The following HECW2 variants were observed in gnomAD, a reference collection of about 807,000 sequenced individuals.
The protein encoded by HECW2 is E3 ubiquitin-protein ligase HECW2.
HECW2 carries 61 observed loss-of-function variants against 175.2 expected under a neutral mutation model. That is an observed-to-expected ratio of 0.35 (90% CI 0.28 to 0.43). HECW2 has a LOEUF of 0.43. HECW2 is among the 20% of genes least tolerant of loss of function. The pLI is 1.00. For synonymous variants in HECW2, 671 were observed against 731.0 expected, an observed-to-expected ratio of 0.92 and a Z score of 1.32; for missense variants, 1,524 against 2,000.5, an observed-to-expected ratio of 0.76 and a Z score of 4.54.
Position 196,319,248 on chromosome 2 carries a change from C to T in HECW2, c.1642G>A (p.Glu548Lys). Residue 548 changes from glutamate (E) to lysine (K), a missense_variant, in exon 9 of 29, where the codon GAG becomes AAG. Glu to Lys is a moderately conservative substitution (Grantham distance 56). Around this residue, in one of 11 missense-constraint regions of HECW2, gnomAD observed 604 missense variants for 588.3 expected, o/e 1.03. Coordinates refer to ENST00000644978, the MANE Select transcript of HECW2 (RefSeq NM_001348768.2). ...GGCTCTGGGCCGCCTTCACCTTCCT[C>T]TGGGGCTGGGCCTGCAGGTAAGGAG... The part of the protein sequence containing the change: ...ESSLPAGPAP[E>K]EGEGGPEPQP... 1 of 1,600,720 alleles carries T rather than the reference C, an allele frequency of 6.2e-7. No homozygotes were observed. The highest frequency in any genetic ancestry group is 1.1e-5 in the South Asian group (1 of 87,888).
At chr2:196,405,844 T>A (rs1045847863) in intron 2 of HECW2, among the ~76,000 whole-genome samples, 2 of 152,140 alleles carry the variant, frequency 1.3e-5, no homozygotes, top group Admixed American at 1.3e-4. Flanking sequence ...ACTCATTTCA[T>A]TTCAACTTCT....
At chr2:196,500,379 GCATA>G (rs1482095353) in intron 1 of HECW2, among the ~76,000 whole-genome samples, 1 of 151,956 alleles carries the variant, frequency 6.6e-6, no homozygotes, top group African/African-American at 2.4e-5. Flanking sequence ...ATACATACAT[GCATA>G]CATACATACA....
At chr2:196,418,971 C>T (rs1559099284) in intron 2 of HECW2, among the ~76,000 whole-genome samples, 1 of 152,066 alleles carries the variant, frequency 6.6e-6, no homozygotes, top group Non-Finnish European at 1.5e-5. Flanking sequence ...TGGAATCATC[C>T]TCAATAAAAA....
intron 21 of HECW2, among the ~76,000 whole-genome samples, chr2:196,233,881 G>C (rs1203132464): frequency 6.6e-6 from 1 of 152,118 alleles, no homozygotes; most frequent in African/African-American, 2.4e-5. Flanking sequence ...AGAACTGGTT[G>C]GTTACTTTAT....
Position 196,201,288 on chromosome 2 carries a change from C to CA in HECW2, c.4707dup (p.Gly1570TrpfsTer3). ...ATTCAGCTTCCAGGTCACTCAAGTC[C>CA]AAAAGTACTGGTTTCTTCAACTGCT... On this transcript the variant is annotated frameshift_variant, in exon 29 of 29. Coordinates refer to ENST00000644978, the MANE Select transcript of HECW2 (RefSeq NM_001348768.2). LOFTEE classifies it high-confidence loss of function. The CA allele has an allele frequency of 6.2e-7, 1 of 1,611,674 alleles. No individual in the cohort carries two copies. Among genetic ancestry groups the CA allele is most frequent in the Non-Finnish European group, 8.5e-7 (1 of 1,177,898 alleles).
At chr2:196,353,168 G>A (rs922636444) in intron 2 of HECW2, among the ~76,000 whole-genome samples, 8 of 152,022 alleles carry the variant, frequency 5.3e-5, no homozygotes, top group Non-Finnish European at 1.2e-4. Flanking sequence ...GTCAGGATTT[G>A]GCTCCAGGGA....
chr2:196,501,670 A>T (rs1687582996), intron 1 of HECW2, among the ~76,000 whole-genome samples: 1 of 152,206 alleles, frequency 6.6e-6, no homozygotes, highest in African/African-American at 2.4e-5. Flanking sequence ...TAGATTTTTT[A>T]AAATACTTAT....
intron 1 of HECW2, among the ~76,000 whole-genome samples, chr2:196,474,624 G>A (rs2125359030): frequency 6.6e-6 from 1 of 152,282 alleles, no homozygotes; most frequent in Admixed American, 6.5e-5. Context: ...CTGTAAGGAA[G>A]CTACATAGCT....
chr2:196,303,416 G>C (rs7588163), intron 13 of HECW2, among the ~76,000 whole-genome samples: 152,314 of 152,360 alleles, frequency 1, 76,134 homozygotes, highest in Non-Finnish European at 1. Context: ...ATGATGCTGG[G>C]CTCATAGAAT....
chr2:196,210,528 T>A (rs76911910), intron 28 of HECW2, among the ~76,000 whole-genome samples: 2,196 of 152,088 alleles, frequency 0.014, 56 homozygotes, highest in African/African-American at 0.05. Context: ...GATACATATG[T>A]AGGTATTTTA....
chr2:196,288,316 C>T (rs976957302), intron 14 of HECW2: 1 of 152,166 alleles, frequency 6.6e-6, no homozygotes, highest in Non-Finnish European at 1.5e-5. Context: ...AGCAAGAGAA[C>T]AAATCCACTC....
At chr2:196,506,353 A>C (rs1384335037) in intron 1 of HECW2, among the ~76,000 whole-genome samples, 1 of 152,240 alleles carries the variant, frequency 6.6e-6, no homozygotes, top group African/African-American at 2.4e-5. Flanking sequence ...GTCACTTCGC[A>C]GAATCAATAG....
chr2:196,402,850 A>G (rs1694859631), intron 2 of HECW2, among the ~76,000 whole-genome samples: 2 of 123,144 alleles, frequency 1.6e-5, no homozygotes, highest in South Asian at 5.2e-4. Flanking sequence ...TCTGTCACCC[A>G]GGCTGGAGTG....
chr2:196,271,136 T>C (rs1689719339), intron 17 of HECW2, 57 bp downstream of exon 17: 1 of 1,006,192 alleles, frequency 9.9e-7, no homozygotes, highest in Non-Finnish European at 1.5e-6. Context: ...TCAGTAAAAC[T>C]AAGATTTAAT....
intron 10 of HECW2, among the ~76,000 whole-genome samples, chr2:196,312,308 C>A (rs13419153): frequency 0.023 from 3,536 of 152,104 alleles, 146 homozygotes; most frequent in African/African-American, 0.081. Context: ...AAATCAAGCA[C>A]CTGATTGTTG....
intron 28 of HECW2, among the ~76,000 whole-genome samples, chr2:196,213,126 G>C (rs776769866): frequency 6.6e-6 from 1 of 152,152 alleles, no homozygotes; most frequent in Non-Finnish European, 1.5e-5. Flanking sequence ...ATTTCATTAA[G>C]GGTGATGACA....
chr2:196,408,111 A>G (rs1348755306), intron 2 of HECW2, among the ~76,000 whole-genome samples: 1 of 152,230 alleles, frequency 6.6e-6, no homozygotes, highest in African/African-American at 2.4e-5. Context: ...GCAGTCCTCT[A>G]AATCAGTACT....
chr2:196,551,150 CAG>C (rs1213747736), intron 1 of HECW2, among the ~76,000 whole-genome samples: 1 of 152,152 alleles, frequency 6.6e-6, no homozygotes, highest in Non-Finnish European at 1.5e-5. Flanking sequence ...TCCATCACAA[CAG>C]ACCAGATAAA....
chr2:196,235,939 G>A (rs1284296897), intron 21 of HECW2, among the ~76,000 whole-genome samples: 2 of 152,076 alleles, frequency 1.3e-5, no homozygotes, highest in South Asian at 2.1e-4. Context: ...TTACAGGCAT[G>A]AGCCACTGTG....
Sources: gnomAD v4.1 joint callset for allele counts (sites outside exome capture counted in the v4.1 genomes callset) on GRCh38, gnomAD v4.1.1 for gene constraint, gnomAD v4.1.1 regional missense constraint, MANE v1.5 for transcripts, NCBI Gene and HGNC (gene_info 2026-07-23, HGNC 2026-07-21) for gene names.